Variants in PPL observed in about 807,000 individuals in gnomAD.
The protein encoded by PPL is periplakin.
A neutral mutation model predicts 194.4 loss-of-function variants in PPL; 198 were observed. The observed-to-expected ratio is 1.02, with a 90% CI of 0.91 to 1.15. The LOEUF is 1.15. Among genes scored for constraint, PPL ranks in the 50% most tolerant of loss-of-function variants. The probability of loss-of-function intolerance (pLI) is 0.00; values close to 1 mark genes in which losing one functional copy is unlikely to be tolerated. For synonymous variants in PPL, 1,220 were observed against 972.4 expected (o/e 1.25, Z -4.74); for missense variants, 2,885 against 2,294.8 (o/e 1.26, Z -5.25).
Position 4,895,312 on chromosome 16 carries a change from A to G in PPL, c.1191T>C (p.Thr397=). Residue 397 remains threonine (T), a synonymous_variant, in exon 11 of 22, where the codon ACT becomes ACC. Coordinates refer to ENST00000345988, the MANE Select transcript of PPL (RefSeq NM_002705.5). ...QVVPLKYRRE[T]PLKPIPVEAL... is the part of the protein sequence containing the mutation. Reference sequence around the variant, plus strand: ...CCTCCACGGGGATGGGCTTGAGCGGAGTCTCCCGGCGGTACTTGAGGGGCA... The same window carrying G: ...CCTCCACGGGGATGGGCTTGAGCGGGGTCTCCCGGCGGTACTTGAGGGGCA... 6.2e-7 allele frequency: 1 copy of G among 1,613,064 alleles called. No individual in the cohort carries two copies. Among genetic ancestry groups the G allele is most frequent in the Non-Finnish European group, 8.5e-7 (1 of 1,179,836 alleles).
At chr16:4,886,688 A>T (rs2088225407) in intron 21 of PPL, among the ~76,000 whole-genome samples, 1 of 152,124 alleles carries the variant, frequency 6.6e-6, no homozygotes, top group Non-Finnish European at 1.5e-5. Context: ...GCACAGTCTC[A>T]GCTCCCTGCA....
At position 4,890,767 on chromosome 16, in the gene PPL, C is replaced by T; in HGVS notation, c.2123G>A (p.Gly708Asp). 1.9e-6 allele frequency: 3 copies of T among 1,609,926 alleles called. No homozygotes were observed. Among genetic ancestry groups the T allele is most frequent in the Non-Finnish European group, 2.5e-6 (3 of 1,178,554 alleles). The change falls in exon 17 of 22, where the codon GGC (glycine) becomes GAC (aspartate). Residue 708 changes from glycine to aspartate, a missense_variant. Gly to Asp is a moderately conservative substitution (Grantham distance 94). Transcript: ENST00000345988. The stretch of plus-strand genomic sequence containing the variant: ...CTGGCGCAGGTTGTTGAAACGCTGG[C>T]CCAGCTTGTGCACCTCGGCCTCCTG... ...ERQEAEVHKL[G>D]QRFNNLRQQV...
At position 4,920,333 on chromosome 16, in the gene PPL, A is replaced by AAGAAAG. The variant is rs71386503; in HGVS notation, c.63-9385_63-9384insCTTTCT. On this transcript the variant is annotated intron_variant, in intron 1 of 21. Coordinates refer to ENST00000345988, the MANE Select transcript of PPL (RefSeq NM_002705.5). ...AAGAAGGAAAGAAAAGAAAGAAAGA[A>AAGAAAG]AGAGAGAGAGAGAGAAAGAAAGAAA... 4.3e-4 allele frequency among the ~76,000 whole-genome samples: 32 copies of AAGAAAG among 73,766 alleles called. 1 individual carries two copies. Among genetic ancestry groups the AAGAAAG allele is most frequent in the South Asian group, 2.9e-3 (6 of 2,100 alleles). The allele number at this position is 73,766 out of a possible 152,430, so 48.4% of individuals were successfully genotyped here.
At chr16:4,910,710 GAC>G in intron 2 of PPL, 138 bp downstream of exon 2, 1 of 753,532 alleles carries the variant, frequency 1.3e-6, no homozygotes, top group Non-Finnish European at 2.3e-6. Flanking sequence ...TCCAAGCAGT[GAC>G]AACCAAAATG....
At position 4,890,323 on chromosome 16, in the gene PPL, A is replaced by G. The variant is rs764116632; in HGVS notation, c.2174T>C (p.Leu725Pro). 1 of 1,613,358 alleles carries G rather than the reference A, an allele frequency of 6.2e-7. No homozygotes were observed. Among genetic ancestry groups the G allele is most frequent in the South Asian group, 1.1e-5 (1 of 91,040 alleles). Residue 725 changes from leucine to proline, a missense_variant, in exon 18 of 22, where the codon CTA becomes CCA. Leu to Pro is a moderately conservative substitution (Grantham distance 98, BLOSUM62 -3). Coordinates refer to ENST00000345988, the MANE Select transcript of PPL (RefSeq NM_002705.5). ...RQQVERRAQSLQSAKAAYEHF... is the reference protein window; with the variant it reads ...RQQVERRAQSPQSAKAAYEHF... ...CTCGTAGGCTGCCTTGGCGCTCTGT[A>G]GGCTCTGCGCCCTGTCAAGGCAAAG...
intron 1 of PPL, among the ~76,000 whole-genome samples, chr16:4,921,423 G>A (rs989670864): frequency 3.9e-5 from 6 of 152,162 alleles, no homozygotes; most frequent in African/African-American, 1.4e-4. Flanking sequence ...CAGGTCTCCT[G>A]GCTCTGTCGC....
chr16:4,920,005 G>T (rs1050303906), intron 1 of PPL, among the ~76,000 whole-genome samples: 1 of 151,538 alleles, frequency 6.6e-6, no homozygotes, highest in Non-Finnish European at 1.5e-5. Flanking sequence ...CCTCAGTCAG[G>T]CCAGGCACGG....
intron 21 of PPL, among the ~76,000 whole-genome samples, chr16:4,886,482 C>T (rs1596543769): frequency 6.6e-6 from 1 of 152,276 alleles, no homozygotes; most frequent in Non-Finnish European, 1.5e-5. Flanking sequence ...TTACCAGCAG[C>T]ATTGTTTCCG....
chr16:4,895,379 T>G lies in PPL; in HGVS notation c.1124A>C (p.Glu375Ala), dbSNP rs1379836471. The change falls in exon 11 of 22, where the codon GAG becomes GCG. Residue 375 changes from glutamate (E) to alanine (A), a missense_variant. Physicochemically the swap from Glu to Ala is moderately radical, Grantham distance 107. Transcript: ENST00000345988. ...DDQEKVLDKY[E>A]DVVQGLQKRG... is the part of the protein sequence containing the mutation. ...CTTCTGCAGCCCCTGCACCACGTCC[T>G]CATACTTGTCCAGCACCTTCTCCTG... 1 of 1,613,374 alleles carries G rather than the reference T, an allele frequency of 6.2e-7. No individual in the cohort carries two copies. The highest frequency in any genetic ancestry group is 8.5e-7 in the Non-Finnish European group (1 of 1,179,954).
chr16:4,922,996 C>A (rs1438205926), intron 1 of PPL, among the ~76,000 whole-genome samples: 4 of 152,156 alleles, frequency 2.6e-5, no homozygotes, highest in African/African-American at 7.2e-5. Flanking sequence ...AGCTGGGGGA[C>A]AAACGCACAG....
chr16:4,895,126 G>A (rs2088398174), intron 11 of PPL, 135 bp downstream of exon 11: 4 of 1,173,926 alleles, frequency 3.4e-6, no homozygotes, highest in Non-Finnish European at 4.6e-6. Flanking sequence ...CCTGCACCAG[G>A]GGAAGGGTTG....
intron 6 of PPL, among the ~76,000 whole-genome samples, chr16:4,899,874 G>A (rs1038474096): frequency 6.6e-6 from 1 of 152,152 alleles, no homozygotes; most frequent in Non-Finnish European, 1.5e-5. Context: ...ACCACTGTAC[G>A]TCTGAGAAGC....
At chr16:4,886,224 G>GTT (rs113575105) in intron 21 of PPL, among the ~76,000 whole-genome samples, 177 bp from the exon 22 acceptor site, 2 of 151,960 alleles carry the variant, frequency 1.3e-5, no homozygotes, top group African/African-American at 4.8e-5. Flanking sequence ...ACTAGTTTGG[G>GTT]GTTTTTTTTA....
intron 1 of PPL, among the ~76,000 whole-genome samples, chr16:4,917,945 G>A (rs1371681041): frequency 6.8e-6 from 1 of 147,810 alleles, no homozygotes. Context: ...TTAAATGAGT[G>A]AACTGGATGA....
chr16:4,889,773 G>T (rs1468028432), intron 18 of PPL, among the ~76,000 whole-genome samples: 1 of 152,196 alleles, frequency 6.6e-6, no homozygotes, highest in Non-Finnish European at 1.5e-5. Context: ...TGATGGGGTG[G>T]ACCCGGGATT....
chr16:4,902,333 A>G lies in PPL; in HGVS notation c.438+73T>C, dbSNP rs2088590403. ...GACCCGGGATGCCCATTACATGGGT[A>G]GGCTCTCCCTGCACACGCACAGCCC... is the stretch of plus-strand genomic sequence containing the variant. On this transcript the variant is annotated intron_variant, in intron 4 of 21. Coordinates refer to ENST00000345988, the MANE Select transcript of PPL (RefSeq NM_002705.5). The surrounding 1 kb of genome is among the most constrained non-coding windows in gnomAD (Gnocchi z 4.0). The G allele has an allele frequency of 3.5e-5, 55 of 1,584,608 alleles. No individual in the cohort carries two copies. The East Asian group carries it at 1.2e-3, about 35-fold the overall frequency.
intron 1 of PPL, among the ~76,000 whole-genome samples, chr16:4,911,922 G>C (rs937336379): frequency 5.9e-5 from 9 of 151,642 alleles, no homozygotes; most frequent in African/African-American, 1.9e-4. Context: ...CTATAGCCTC[G>C]AACTCCTGAG....
Sources: gnomAD v4.1 joint callset for allele counts (sites outside exome capture counted in the v4.1 genomes callset) on GRCh38, gnomAD v4.1.1 for gene constraint, Gnocchi (gnomAD v3.1) non-coding constraint, MANE v1.5 for transcripts, NCBI Gene and HGNC (gene_info 2026-07-23, HGNC 2026-07-21) for gene names.